The following ZNF503 variants were observed in gnomAD, a reference collection of about 807,000 sequenced individuals.
ZNF503 encodes NocA-like zinc finger 2.
A neutral mutation model predicts 34.4 loss-of-function variants in ZNF503; 15 were observed. The ratio of observed to expected loss-of-function variants is 0.44; its 90% CI spans 0.29 to 0.67. ZNF503 has a LOEUF of 0.67. ZNF503 is among the 30% of genes least tolerant of loss of function. The probability of loss-of-function intolerance (pLI) is 0.13; values close to 1 mark genes in which losing one functional copy is unlikely to be tolerated. For missense variants in ZNF503, 1,007 were observed against 926.8 expected (o/e 1.09, Z -1.12); for synonymous variants, 580 against 456.8 (o/e 1.27, Z -3.44).
At chr10:75,394,367 A>T (rs532243683), downstream of ZNF503, among the ~76,000 whole-genome samples, 1 of 152,246 alleles carries the variant, frequency 6.6e-6, no homozygotes, top group Non-Finnish European at 1.5e-5. Flanking sequence ...TGAGCAGGTC[A>T]GCCTGGGTTT....
chr10:75,384,527 A>T, the ZNF503 span, among the ~76,000 whole-genome samples: 2 of 152,094 alleles, frequency 1.3e-5, no homozygotes, highest in South Asian at 4.2e-4. Context: ...GTCAAGTAGC[A>T]GTCTTACATC....
chr10:75,396,523 C>CA (rs1266987140), downstream of ZNF503, among the ~76,000 whole-genome samples: 3 of 152,170 alleles, frequency 2.0e-5, no homozygotes, highest in African/African-American at 7.2e-5. The surrounding 1 kb of genome is among the most constrained non-coding windows in gnomAD (Gnocchi z 4.4). Flanking sequence ...TCAAAGTCAC[C>CA]AATCCCGGTG....
At chr10:75,287,507 C>T in the ZNF503 span, among the ~76,000 whole-genome samples, 1 of 152,148 alleles carries the variant, frequency 6.6e-6, no homozygotes, top group South Asian at 2.1e-4. Context: ...CTCTCCTGGG[C>T]TGTCTTTCCA....
At chr10:75,344,469 TC>T in the ZNF503 span, among the ~76,000 whole-genome samples, 1 of 152,208 alleles carries the variant, frequency 6.6e-6, no homozygotes, top group Non-Finnish European at 1.5e-5. Flanking sequence ...TCTTTTCCTT[TC>T]CTCACAGAAG....
chr10:75,400,210 G>A lies in ZNF503; in HGVS notation c.480C>T (p.Gly160=), dbSNP rs755360400. ...GAAGDKDTKS[G]PLKLSDIGVE... The stretch of plus-strand genomic sequence containing the variant: ...CGCCGATGTCGCTCAGCTTCAGGGG[G>A]CCCGATTTGGTGTCCTTGTCGCCCG... The change falls in exon 2 of 2, where the codon GGC becomes GGT. Residue 160 remains glycine (G), a synonymous_variant. Coordinates refer to ENST00000372524, the MANE Select transcript of ZNF503 (RefSeq NM_032772.6). 2.5e-4 allele frequency: 401 copies of A among 1,603,856 alleles called. No homozygotes were observed. Among genetic ancestry groups the A allele is most frequent in the Non-Finnish European group, 3.3e-4 (389 of 1,176,440 alleles).
At position 75,399,252 on chromosome 10, in the gene ZNF503, A is replaced by C; in HGVS notation, c.1438T>G (p.Ser480Ala). 1.3e-6 allele frequency: 2 copies of C among 1,595,710 alleles called. No homozygotes were observed. Among genetic ancestry groups the C allele is most frequent in the Non-Finnish European group, 1.7e-6 (2 of 1,170,680 alleles). The change falls in exon 2 of 2, where the codon TCC becomes GCC. Residue 480 changes from serine to alanine, a missense_variant. Physicochemically the swap from Ser to Ala is moderately conservative, Grantham distance 99. Coordinates refer to ENST00000372524, the MANE Select transcript of ZNF503 (RefSeq NM_032772.6). ...YPTHPLHGVH[S>A]SLTAAAAAGA... ...GCAGCCGCGGCGGCCGTTAGCGAGG[A>C]GTGCACACCGTGCAGCGGGTGCGTG...
At chr10:75,400,941 C>G (rs1040677318) in intron 1 of ZNF503, 164 bp downstream of exon 1, 13 of 1,064,064 alleles carry the variant, frequency 1.2e-5, no homozygotes, top group Non-Finnish European at 1.3e-5. Flanking sequence ...CTTCCTCCCC[C>G]TTTTCCGCCC....
the ZNF503 span, among the ~76,000 whole-genome samples, chr10:75,372,493 G>A: frequency 6.6e-6 from 1 of 152,212 alleles, no homozygotes; most frequent in South Asian, 2.1e-4. Flanking sequence ...TCAAAGTAGT[G>A]CACAGGTTTT....
At chr10:75,369,144 T>C in the ZNF503 span, among the ~76,000 whole-genome samples, 1 of 152,206 alleles carries the variant, frequency 6.6e-6, no homozygotes, top group Admixed American at 6.5e-5. Flanking sequence ...ATCTCACTTG[T>C]ATCAAAAATT....
the ZNF503 span, chr10:75,382,449 C>A: frequency 1.4e-5 from 7 of 511,250 alleles, no homozygotes; most frequent in African/African-American, 1.2e-4. Context: ...CTCTTTACCT[C>A]CTCTCTGGCT....
rs1293457329 is a variant in ZNF503, at chr10:75,398,438, C to T, written c.*311G>A. ...AGCTAACATAAATAAATACCAGTGT[C>T]CACCGATGCAGTCCTCAGATGAACA... On this transcript the variant is annotated 3_prime_UTR_variant, in exon 2 of 2. Coordinates refer to ENST00000372524, the MANE Select transcript of ZNF503 (RefSeq NM_032772.6). 1 of 252,214 alleles carries T rather than the reference C, an allele frequency of 4.0e-6. No individual in the cohort carries two copies. Among genetic ancestry groups the T allele is most frequent in the Non-Finnish European group, 7.5e-6 (1 of 133,770 alleles). The allele number at this position is 252,214 out of a possible 1,614,324, so 15.6% of individuals were successfully genotyped here.
the ZNF503 span, among the ~76,000 whole-genome samples, chr10:75,306,376 C>G: frequency 2.0e-5 from 3 of 151,960 alleles, no homozygotes; most frequent in Non-Finnish European, 2.9e-5. Flanking sequence ...GTCCTCTGTT[C>G]ATTTTTGAAT....
At chr10:75,334,719 G>A in the ZNF503 span, among the ~76,000 whole-genome samples, 1 of 152,212 alleles carries the variant, frequency 6.6e-6, no homozygotes. Flanking sequence ...GGAGATGCTT[G>A]CTAGGTTCCT....
chr10:75,367,106 G>T, the ZNF503 span, among the ~76,000 whole-genome samples: 1 of 152,172 alleles, frequency 6.6e-6, no homozygotes, highest in South Asian at 2.1e-4. Context: ...TCGTGTGAAG[G>T]TCATGATAAG....
At chr10:75,304,125 C>T in the ZNF503 span, among the ~76,000 whole-genome samples, 13 of 152,314 alleles carry the variant, frequency 8.5e-5, no homozygotes, top group East Asian at 9.6e-4. Context: ...TGAGCCACCA[C>T]GCCTTTTGGC....
downstream of ZNF503, among the ~76,000 whole-genome samples, chr10:75,397,205 G>A (rs919204145): frequency 6.6e-6 from 1 of 151,978 alleles, no homozygotes; most frequent in Non-Finnish European, 1.5e-5. Context: ...AGGGAGGAAG[G>A]AGCGGGCGGG....
the ZNF503 span, among the ~76,000 whole-genome samples, chr10:75,289,084 A>G: frequency 6.6e-6 from 1 of 152,166 alleles, no homozygotes; most frequent in Non-Finnish European, 1.5e-5. Flanking sequence ...GAATCTTCCC[A>G]TGAGTACAAC....
chr10:75,281,747 T>TG, the ZNF503 span, among the ~76,000 whole-genome samples: 2 of 152,176 alleles, frequency 1.3e-5, no homozygotes, highest in African/African-American at 2.4e-5. Flanking sequence ...AGCTTACACA[T>TG]GGGGGAGTGA....
At chr10:75,304,463 T>G in the ZNF503 span, among the ~76,000 whole-genome samples, 1 of 152,198 alleles carries the variant, frequency 6.6e-6, no homozygotes, top group Non-Finnish European at 1.5e-5. Flanking sequence ...ATTTCTTCAT[T>G]CTCTCTGTAA....
Sources: gnomAD v4.1 joint callset for allele counts (sites outside exome capture counted in the v4.1 genomes callset) on GRCh38, gnomAD v4.1.1 for gene constraint, Gnocchi (gnomAD v3.1) non-coding constraint, MANE v1.5 for transcripts, NCBI Gene and HGNC (gene_info 2026-07-23, HGNC 2026-07-21) for gene names.